The following SCO1 variants were observed in gnomAD, a reference collection of about 807,000 sequenced individuals.
The protein encoded by SCO1 is cytochrome c oxidase assembly factor SCO1.
A neutral mutation model predicts 34.0 loss-of-function variants in SCO1; 23 were observed. That is an observed-to-expected ratio of 0.68 (90% confidence interval 0.49 to 0.96). The LOEUF is 0.96. Among genes scored for constraint, SCO1 ranks in the 40% least tolerant of loss-of-function variants. The pLI is 0.00. For missense variants in SCO1, 404 were observed against 381.6 expected, an observed-to-expected ratio of 1.06 and a Z score of -0.49; for synonymous variants, 161 against 145.5, an observed-to-expected ratio of 1.11 and a Z score of -0.77.
intron 4 of SCO1, among the ~76,000 whole-genome samples, chr17:10,690,430 T>TG (rs1293778623): frequency 2.0e-5 from 3 of 152,102 alleles, no homozygotes; most frequent in Admixed American, 1.3e-4. Flanking sequence ...AACAAGTATA[T>TG]GAAAAAATGC....
At chr17:10,694,080 T>C (rs1214645424) in intron 2 of SCO1, among the ~76,000 whole-genome samples, 4 of 152,206 alleles carry the variant, frequency 2.6e-5, no homozygotes, top group South Asian at 2.1e-4. Flanking sequence ...TTATCAGTAA[T>C]GGGACAACTG....
intron 4 of SCO1, among the ~76,000 whole-genome samples, chr17:10,690,483 A>G (rs910599443): frequency 6.6e-6 from 1 of 152,350 alleles, no homozygotes; most frequent in Non-Finnish European, 1.5e-5. Flanking sequence ...CAAAACCACA[A>G]TTAGGTATCT....
chr17:10,694,361 T>C (rs1278406784), intron 2 of SCO1, among the ~76,000 whole-genome samples: 1 of 152,190 alleles, frequency 6.6e-6, no homozygotes. Flanking sequence ...CCTTTTGCTC[T>C]GAAAGACATC....
chr17:10,679,931 T>A lies in SCO1; in HGVS notation c.*1188A>T, dbSNP rs886468176. 9.0e-6 allele frequency: 1 copy of A among 110,600 alleles called. No homozygotes were observed. The highest frequency in any genetic ancestry group is 1.4e-4 in the Admixed American group (1 of 7,286). The allele number at this position is 110,600 out of a possible 1,614,324, so 6.9% of individuals were successfully genotyped here. On this transcript the variant is annotated 3_prime_UTR_variant, in exon 6 of 6. Transcript: ENST00000255390. The stretch of plus-strand genomic sequence containing the variant: ...CCAGGACTACAGGCATGTGCCACCA[T>A]GCCAAAAAAATCTTCTGTAGAGATG...
Position 10,679,972 on chromosome 17 carries a change from G to GGA in SCO1, c.*1146_*1147insTC, listed in dbSNP as rs2074610467. ...TGTAGAGATGGGGGCGGGGGGGGGG[G>GGA]GTCTCACTATGTTGCCCAGGCTTGT... is the stretch of plus-strand genomic sequence containing the variant. On this transcript the variant is annotated 3_prime_UTR_variant, in exon 6 of 6. Coordinates refer to ENST00000255390, the MANE Select transcript of SCO1 (RefSeq NM_004589.4). 9.4e-6 allele frequency: 1 copy of GGA among 105,894 alleles called. No individual in the cohort carries two copies. Among genetic ancestry groups the GGA allele is most frequent in the African/African-American group, 3.8e-5 (1 of 26,628 alleles). 6.6% of individuals were successfully genotyped at this position (105,894 alleles called of 1,614,324 possible). A position where few individuals can be genotyped will look rare whatever the true frequency, so the allele number is the denominator to read the frequency against.
chr17:10,686,972 T>G, intron 4 of SCO1, 130 bp from the exon 5 acceptor site: 1 of 700,440 alleles, frequency 1.4e-6, no homozygotes, highest in Non-Finnish European at 2.6e-6. Context: ...AAACATTTCT[T>G]CACGATTCAA....
intron 2 of SCO1, among the ~76,000 whole-genome samples, chr17:10,693,640 C>T (rs559278180): frequency 2.0e-5 from 3 of 152,274 alleles, no homozygotes; most frequent in African/African-American, 7.2e-5. Flanking sequence ...ACCATGAGCC[C>T]AGAACCTGAC....
chr17:10,686,762 T>C lies in SCO1; in HGVS notation c.736A>G (p.Ser246Gly), dbSNP rs2074659132. The C allele has an allele frequency of 6.2e-7, 1 of 1,613,606 alleles. No homozygotes were observed. Among genetic ancestry groups the C allele is most frequent in the Non-Finnish European group, 8.5e-7 (1 of 1,179,496 alleles). ...QVARAYRVYYSPGPKDEDEDY... is the reference protein window; with the variant it reads ...QVARAYRVYYGPGPKDEDEDY... ...TCATCTTCGTCCTTGGGGCCAGGGCTGTAATACACTCTGTATGCTCTGGCC... is the reference window on the plus strand; with the variant it reads ...TCATCTTCGTCCTTGGGGCCAGGGCCGTAATACACTCTGTATGCTCTGGCC... The change falls in exon 5 of 6, where the codon AGC (serine) becomes GGC (glycine). Residue 246 changes from serine to glycine, a missense_variant. Physicochemically the swap from Ser to Gly is moderately conservative, Grantham distance 56. Coordinates refer to ENST00000255390, the MANE Select transcript of SCO1 (RefSeq NM_004589.4).
At chr17:10,690,300 A>T (rs1034061670) in intron 4 of SCO1, among the ~76,000 whole-genome samples, 17 of 152,244 alleles carry the variant, frequency 1.1e-4, no homozygotes, top group Non-Finnish European at 2.9e-5. Flanking sequence ...TATTCATCAG[A>T]CTAGGGAGTT....
chr17:10,690,502 T>A (rs1318025561), intron 4 of SCO1, among the ~76,000 whole-genome samples: 1 of 152,178 alleles, frequency 6.6e-6, no homozygotes, highest in African/African-American at 2.4e-5. Flanking sequence ...CTCATCCCAA[T>A]TTGAATGACT....
chr17:10,697,206 C>A, intron 1 of SCO1, 29 bp downstream of exon 1: 1 of 1,500,122 alleles, frequency 6.7e-7, no homozygotes, highest in Non-Finnish European at 8.9e-7. Flanking sequence ...CCGCGACGAG[C>A]ACCAGAAGGG....
rs1378287445 is a variant in SCO1, at chr17:10,679,247, T to C, written c.*1872A>G. Reference sequence around the variant, plus strand: ...ACAGGCATAAGCCACTGTGCCCAGCTAATCTATTATTTTAAGAACACCAGT... The same window carrying C: ...ACAGGCATAAGCCACTGTGCCCAGCCAATCTATTATTTTAAGAACACCAGT... On this transcript the variant is annotated 3_prime_UTR_variant, in exon 6 of 6. Coordinates refer to ENST00000255390, the MANE Select transcript of SCO1 (RefSeq NM_004589.4). 1 of 152,092 alleles carries C rather than the reference T, an allele frequency of 6.6e-6. No homozygotes were observed. Among genetic ancestry groups the C allele is most frequent in the Non-Finnish European group, 1.5e-5 (1 of 68,036 alleles). The allele number at this position is 152,092 out of a possible 1,614,324, so 9.4% of individuals were successfully genotyped here. A position where few individuals can be genotyped will look rare whatever the true frequency, so the allele number is the denominator to read the frequency against.
At chr17:10,683,293 A>T (rs2074633627) in intron 5 of SCO1, among the ~76,000 whole-genome samples, 1 of 152,162 alleles carries the variant, frequency 6.6e-6, no homozygotes, top group African/African-American at 2.4e-5. Flanking sequence ...AATATATTGG[A>T]CATTGTTCTA....
chr17:10,682,000 T>G (rs2074624531), intron 5 of SCO1, among the ~76,000 whole-genome samples: 2 of 152,224 alleles, frequency 1.3e-5, no homozygotes, highest in South Asian at 4.1e-4. Context: ...GCATAAATGC[T>G]GCCCCCCTAA....
rs1034463307 is a variant in SCO1, at chr17:10,678,816, C to T, written c.*2303G>A. 2.6e-5 allele frequency: 4 copies of T among 151,408 alleles called. No homozygotes were observed. Among genetic ancestry groups the T allele is most frequent in the Non-Finnish European group, 5.9e-5 (4 of 67,982 alleles). The allele number at this position is 151,408 out of a possible 1,614,324, so 9.4% of individuals were successfully genotyped here. A position where few individuals can be genotyped will look rare whatever the true frequency, so the allele number is the denominator to read the frequency against. On this transcript the variant is annotated 3_prime_UTR_variant, in exon 6 of 6. Coordinates refer to ENST00000255390, the MANE Select transcript of SCO1 (RefSeq NM_004589.4). Reference sequence around the variant, plus strand: ...CTAAAACAACAGACATTTATTTCCTCACAGTTCTGGAGCTTGGAAGGCAAA... The same window carrying T: ...CTAAAACAACAGACATTTATTTCCTTACAGTTCTGGAGCTTGGAAGGCAAA...
Position 10,697,446 on chromosome 17 carries a change from C to A in SCO1, c.62G>T (p.Arg21Leu), listed in dbSNP as rs868352614. Residue 21 changes from arginine to leucine, a missense_variant, in exon 1 of 6, where the codon CGC (arginine) becomes CTC (leucine). Coordinates refer to ENST00000255390, the MANE Select transcript of SCO1 (RefSeq NM_004589.4). ...AAACTCGAGTCCGCGAGGCAAGAAGCGCCAAAGTTGGCCACCCAGAGGCCG... is the reference window on the plus strand; with the variant it reads ...AAACTCGAGTCCGCGAGGCAAGAAGAGCCAAAGTTGGCCACCCAGAGGCCG... ...VMRPLGGQLW[R>L]FLPRGLEFWG... 1 of 1,612,942 alleles carries A rather than the reference C, an allele frequency of 6.2e-7. No homozygotes were observed. Among genetic ancestry groups the A allele is most frequent in the East Asian group, 2.2e-5 (1 of 44,876 alleles).
At chr17:10,690,426 T>C (rs751551446) in intron 4 of SCO1, among the ~76,000 whole-genome samples, 5 of 152,054 alleles carry the variant, frequency 3.3e-5, no homozygotes, top group Non-Finnish European at 7.4e-5. Flanking sequence ...GGCCAACAAG[T>C]ATATGAAAAA....
At position 10,685,549 on chromosome 17, in the gene SCO1, C is replaced by T. The variant is rs540434019; in HGVS notation, c.771+1178G>A. ...ATGAAGATAGTTAATTTAAGAGCTACACAAGTACAACAGAATTTCTGTTCC... is the reference window on the plus strand; with the variant it reads ...ATGAAGATAGTTAATTTAAGAGCTATACAAGTACAACAGAATTTCTGTTCC... On this transcript the variant is annotated intron_variant, in intron 5 of 5. Coordinates refer to ENST00000255390, the MANE Select transcript of SCO1 (RefSeq NM_004589.4). 1.1e-4 allele frequency among the ~76,000 whole-genome samples: 16 copies of T among 152,304 alleles called. No individual in the cohort carries two copies. In the East Asian group the frequency reaches 3.1e-3, roughly 29 times the overall value.
chr17:10,675,268 G>T lies in SCO1; in HGVS notation c.*5851C>A. ...CCATCTGCCTCCTGCTGTTGCTGAA[G>T]CTTGCTGACACTTTCTCCACGCTGT... On this transcript the variant is annotated 3_prime_UTR_variant, in exon 6 of 6. Coordinates refer to ENST00000255390, the MANE Select transcript of SCO1 (RefSeq NM_004589.4). 1 of 152,760 alleles carries T rather than the reference G, an allele frequency of 6.5e-6. No homozygotes were observed. Among genetic ancestry groups the T allele is most frequent in the Non-Finnish European group, 1.5e-5 (1 of 68,234 alleles). The allele number at this position is 152,760 out of a possible 1,614,324, so 9.5% of individuals were successfully genotyped here.
Sources: gnomAD v4.1 joint callset for allele counts (sites outside exome capture counted in the v4.1 genomes callset) on GRCh38, gnomAD v4.1.1 for gene constraint, MANE v1.5 for transcripts, NCBI Gene and HGNC (gene_info 2026-07-23, HGNC 2026-07-21) for gene names.